The following SDK2 variants were observed in gnomAD, a reference collection of about 807,000 sequenced individuals.
SDK2 encodes the protein sidekick cell adhesion molecule 2, also known as protein sidekick-2.
SDK2 carries 105 observed loss-of-function variants against 253.9 expected under a neutral mutation model. The observed-to-expected ratio is 0.41, with a 90% CI of 0.35 to 0.49. SDK2 has a LOEUF of 0.49. SDK2 is among the 20% of genes least tolerant of loss of function. The pLI is 0.06. For missense variants in SDK2, 2,608 were observed against 3,003.0 expected, an observed-to-expected ratio of 0.87 and a Z score of 3.07; for synonymous variants, 1,249 against 1,234.9, an observed-to-expected ratio of 1.01 and a Z score of -0.24.
In SDK2 at chr17:73,350,640, G is replaced by A. The variant is rs1208150453; in HGVS notation, c.5899+10C>T. The A allele has an allele frequency of 6.2e-7, 1 of 1,607,832 alleles. No individual in the cohort carries two copies. Among genetic ancestry groups the A allele is most frequent in the Non-Finnish European group, 8.5e-7 (1 of 1,177,136 alleles). ...AGTCCAGCCAGCATGGCTGGTGCCA[G>A]CTCACTCACCCGAGTCTGTCTTCTT... On this transcript the variant is annotated intron_variant, in intron 42 of 44. Transcript: ENST00000392650.
At chr17:73,468,552 C>T (rs948113557) in intron 3 of SDK2, among the ~76,000 whole-genome samples, 4 of 152,094 alleles carry the variant, frequency 2.6e-5, no homozygotes, top group African/African-American at 9.7e-5. Context: ...CGCTCTGTCA[C>T]CCAGGCTAGA....
chr17:73,340,452 C>T (rs1466259943), intron 44 of SDK2, among the ~76,000 whole-genome samples: 2 of 152,168 alleles, frequency 1.3e-5, no homozygotes, highest in Non-Finnish European at 2.9e-5. Flanking sequence ...TAAATGGGAT[C>T]ATATAATATG....
Position 73,361,912 on chromosome 17 carries a change from A to G in SDK2, c.5306-67T>C, listed in dbSNP as rs2062644612. On this transcript the variant is annotated intron_variant, in intron 38 of 44. Coordinates refer to ENST00000392650, the MANE Select transcript of SDK2 (RefSeq NM_001144952.2). The surrounding 1 kb of genome is among the most constrained non-coding windows in gnomAD (Gnocchi z 4.1). ...CCGAGGGCACTGGAGGCCATGGGGA[A>G]GGGGAAGCGGCCGTGGCCTGGGCCC... is the stretch of plus-strand genomic sequence containing the variant. The G allele has an allele frequency of 6.8e-7, 1 of 1,471,852 alleles. No individual in the cohort carries two copies. Among genetic ancestry groups the G allele is most frequent in the Admixed American group, 2.2e-5 (1 of 46,340 alleles). The allele number at this position is 1,471,852 out of a possible 1,614,324, so 91.2% of individuals were successfully genotyped here.
intron 9 of SDK2, among the ~76,000 whole-genome samples, chr17:73,434,831 T>C (rs960573820): frequency 5.3e-5 from 8 of 152,016 alleles, no homozygotes; most frequent in Admixed American, 2.0e-4. Context: ...GGTTTCGCCA[T>C]GTTGCTCAGG....
At chr17:73,551,996 C>T (rs1283540410) in intron 1 of SDK2, among the ~76,000 whole-genome samples, 1 of 152,206 alleles carries the variant, frequency 6.6e-6, no homozygotes, top group East Asian at 1.9e-4. Flanking sequence ...AAGAGACCAA[C>T]CAAGACTGTG....
At chr17:73,566,552 C>T (rs1279811390) in intron 1 of SDK2, among the ~76,000 whole-genome samples, 1 of 152,048 alleles carries the variant, frequency 6.6e-6, no homozygotes, top group Non-Finnish European at 1.5e-5. Context: ...AACTTCTTAG[C>T]GACTAGTTAA....
At chr17:73,584,994 TG>T (rs1304502609) in intron 1 of SDK2, among the ~76,000 whole-genome samples, 1 of 152,218 alleles carries the variant, frequency 6.6e-6, no homozygotes, top group Non-Finnish European at 1.5e-5. Context: ...GATTAAAGGC[TG>T]GGGGCAGAGT....
At chr17:73,638,895 C>T (rs529947930) in intron 1 of SDK2, among the ~76,000 whole-genome samples, 27 of 150,660 alleles carry the variant, frequency 1.8e-4, no homozygotes, top group Admixed American at 7.3e-4. Context: ...CTGCCACCTC[C>T]GCCTCCCAGG....
chr17:73,615,636 G>T (rs371043463), intron 1 of SDK2, among the ~76,000 whole-genome samples: 1 of 152,202 alleles, frequency 6.6e-6, no homozygotes, highest in African/African-American at 2.4e-5. Flanking sequence ...TGGTGGTTGC[G>T]GTGGAAGTTG....
intron 1 of SDK2, among the ~76,000 whole-genome samples, chr17:73,512,627 C>A (rs8071963): frequency 6.6e-6 from 1 of 151,888 alleles, no homozygotes; most frequent in African/African-American, 2.4e-5. Flanking sequence ...CAGTTCACAT[C>A]AAAACAACAA....
chr17:73,576,983 G>A (rs1408555305), intron 1 of SDK2, among the ~76,000 whole-genome samples: 1 of 152,348 alleles, frequency 6.6e-6, no homozygotes, highest in East Asian at 1.9e-4. Flanking sequence ...GCTTCGGAGC[G>A]TGGGAGTGGC....
chr17:73,360,192 G>A (rs1444563838), intron 39 of SDK2, among the ~76,000 whole-genome samples: 4 of 152,224 alleles, frequency 2.6e-5, no homozygotes, highest in Non-Finnish European at 5.9e-5. Context: ...CGGGGCTGGA[G>A]GCAGATGAAA....
At chr17:73,401,544 G>T in intron 20 of SDK2, 110 bp downstream of exon 20, 3 of 1,024,896 alleles carry the variant, frequency 2.9e-6, no homozygotes, top group Non-Finnish European at 4.5e-6. Context: ...GAAAGCATGG[G>T]TTGGCTTCAA....
At chr17:73,543,681 C>T (rs2044908487) in intron 1 of SDK2, among the ~76,000 whole-genome samples, 1 of 152,250 alleles carries the variant, frequency 6.6e-6, no homozygotes, top group Non-Finnish European at 1.5e-5. Context: ...GGGCACTGCC[C>T]TTGGGGGATA....
intron 2 of SDK2, among the ~76,000 whole-genome samples, chr17:73,477,363 C>T (rs977140142): frequency 2.0e-5 from 3 of 152,080 alleles, no homozygotes; most frequent in Admixed American, 6.5e-5. Context: ...GCAGCAGGGC[C>T]GGAGCTGAAG....
intron 1 of SDK2, among the ~76,000 whole-genome samples, chr17:73,567,630 A>G (rs2045329830): frequency 1.3e-5 from 2 of 152,382 alleles, no homozygotes; most frequent in Non-Finnish European, 2.9e-5. Context: ...TTACAAAGCC[A>G]GAGGGGTGGA....
intron 2 of SDK2, among the ~76,000 whole-genome samples, chr17:73,495,011 G>A (rs949405666): frequency 2.0e-5 from 3 of 152,272 alleles, no homozygotes; most frequent in African/African-American, 2.4e-5. Flanking sequence ...ACTTCTCTGC[G>A]CAGTGGAGGT....
In SDK2 at chr17:73,465,935, G is replaced by A. The variant is rs150339650; in HGVS notation, c.331+6177C>T. ...TCTCTCAGAACTGTGTGCCATCTGC[G>A]TGTGTGTGTAAGGAGACAGACGGAT... On this transcript the variant is annotated intron_variant, in intron 3 of 44. Transcript: ENST00000392650. The surrounding 1 kb of genome is among the most constrained non-coding windows in gnomAD (Gnocchi z 4.2). Among the ~76,000 whole-genome samples, 432 of 152,286 alleles carry A rather than the reference G, an allele frequency of 2.8e-3. 4 individuals are homozygous for A. Among genetic ancestry groups the A allele is most frequent in the African/African-American group, 9.9e-3 (413 of 41,558 alleles).
chr17:73,407,794 C>G (rs2063091235), intron 18 of SDK2, among the ~76,000 whole-genome samples: 1 of 152,100 alleles, frequency 6.6e-6, no homozygotes, highest in Admixed American at 6.6e-5. Context: ...TAAATGCTTA[C>G]CCTGCTTTTC....
Sources: gnomAD v4.1 joint callset for allele counts (sites outside exome capture counted in the v4.1 genomes callset) on GRCh38, gnomAD v4.1.1 for gene constraint, Gnocchi (gnomAD v3.1) non-coding constraint, MANE v1.5 for transcripts, NCBI Gene and HGNC (gene_info 2026-07-23, HGNC 2026-07-21) for gene names.